TTLL1: variants seen among roughly 807,000 people sequenced by gnomAD.
TTLL1 encodes the protein TTL family tubulin polyglutamylase complex subunit L1, also known as polyglutamylase complex subunit TTLL1.
In TTLL1, 33 loss-of-function variants were observed where a neutral mutation model predicts 47.8. That is an observed-to-expected ratio of 0.69 (90% CI 0.52 to 0.92). The LOEUF is 0.92. TTLL1 is among the 40% of genes least tolerant of loss of function. The pLI, the probability that TTLL1 is intolerant of heterozygous loss-of-function variation, is 0.00. For missense variants in TTLL1, 488 were observed against 547.5 expected, an observed-to-expected ratio of 0.89 and a Z score of 1.08; for synonymous variants, 225 against 214.1, an observed-to-expected ratio of 1.05 and a Z score of -0.45.
intron 10 of TTLL1, among the ~76,000 whole-genome samples, chr22:43,043,273 T>G (rs921385487): frequency 3.3e-5 from 5 of 151,782 alleles, no homozygotes; most frequent in African/African-American, 9.7e-5. Context: ...AAATGGCGAG[T>G]CTGGCCCACT....
In TTLL1 at chr22:43,069,704, C is replaced by T; in HGVS notation, c.254G>A (p.Arg85Lys). ...ACTCCCTTCTTTCTCCAGCTCCTTC[C>T]TGTATCTTTTGATGTTCTTCACCAT... ...DLMVKNIKRY[R>K]KELEKEGSPL... The change falls in exon 4 of 11, where the codon AGG becomes AAG. Residue 85 changes from arginine to lysine, a missense_variant. Transcript: ENST00000266254. 2 of 1,614,196 alleles carry T rather than the reference C, an allele frequency of 1.2e-6. No homozygotes were observed. The highest frequency in any genetic ancestry group is 2.2e-5 in the South Asian group (2 of 91,086).
intron 2 of TTLL1, among the ~76,000 whole-genome samples, chr22:43,076,508 T>C (rs9611998): frequency 0.077 from 11,685 of 151,796 alleles, 564 homozygotes; most frequent in Non-Finnish European, 0.11. Context: ...TCCCAACACT[T>C]TGGGCGGCCA....
chr22:43,050,578 A>G (rs1726562631), intron 9 of TTLL1, among the ~76,000 whole-genome samples: 2 of 149,878 alleles, frequency 1.3e-5, no homozygotes, highest in Admixed American at 1.3e-4. Context: ...GTTGGAGTGC[A>G]GTGGCGCGAT....
chr22:43,045,278 G>A (rs1281249156), intron 10 of TTLL1, among the ~76,000 whole-genome samples: 1 of 152,130 alleles, frequency 6.6e-6, no homozygotes, highest in East Asian at 1.9e-4. Flanking sequence ...CTACGAGTAT[G>A]CCACGGAACC....
intron 7 of TTLL1, among the ~76,000 whole-genome samples, chr22:43,061,737 C>T (rs1454847036): frequency 6.6e-6 from 1 of 152,182 alleles, no homozygotes; most frequent in East Asian, 1.9e-4. Context: ...ACGCCAGGGG[C>T]TCCTGCTACC....
At chr22:43,054,484 G>C (rs1195470536) in intron 8 of TTLL1, among the ~76,000 whole-genome samples, 1 of 151,216 alleles carries the variant, frequency 6.6e-6, no homozygotes, top group African/African-American at 2.4e-5. Context: ...GAGTACAATG[G>C]CACGGTCTCG....
At chr22:43,067,706 C>T (rs1434634533) in intron 5 of TTLL1, among the ~76,000 whole-genome samples, 1 of 152,068 alleles carries the variant, frequency 6.6e-6, no homozygotes, top group Non-Finnish European at 1.5e-5. Flanking sequence ...AACAGTGAAT[C>T]ACGCCTGTAA....
intron 1 of TTLL1, among the ~76,000 whole-genome samples, chr22:43,082,177 CA>C (rs1928943099): frequency 1.4e-5 from 2 of 145,826 alleles, no homozygotes; most frequent in South Asian, 4.3e-4. Context: ...TTTTTTTAAA[CA>C]ACACAGATAA....
intron 1 of TTLL1, among the ~76,000 whole-genome samples, chr22:43,086,358 G>A (rs145532634): frequency 2.6e-5 from 4 of 152,314 alleles, no homozygotes; most frequent in South Asian, 2.1e-4. Flanking sequence ...AAGCCATCCT[G>A]AAACCAGAGA....
chr22:43,073,115 A>G (rs953410950), intron 3 of TTLL1, among the ~76,000 whole-genome samples: 2 of 148,728 alleles, frequency 1.3e-5, no homozygotes, highest in African/African-American at 5.0e-5. Context: ...CCTGGGTTCA[A>G]GCAATTCTCC....
chr22:43,065,964 G>T (rs1927703448), intron 5 of TTLL1, among the ~76,000 whole-genome samples: 1 of 151,864 alleles, frequency 6.6e-6, no homozygotes, highest in Admixed American at 6.6e-5. Flanking sequence ...TTCAAGACCA[G>T]CCTAACCAAC....
rs114740691 is a variant in TTLL1 at position 43,052,668 on chromosome 22, G to A, written c.892-781C>T. On this transcript the variant is annotated intron_variant, in intron 8 of 10. Transcript: ENST00000266254. ...GGAGGCTGGGAGGAAGAGGAGTGCC[G>A]TGAGGAGTGCTGGAGTGCAGTGAGC... Among the ~76,000 whole-genome samples the A allele has an allele frequency of 7.8e-3, 1,191 of 152,204 alleles. 15 individuals are homozygous for A. The highest frequency in any genetic ancestry group is 0.027 in the African/African-American group (1,109 of 41,530).
At chr22:43,059,609 T>C (rs1228647072) in intron 7 of TTLL1, 82 bp from the exon 8 acceptor site, 1 of 1,479,170 alleles carries the variant, frequency 6.8e-7, no homozygotes, top group African/African-American at 1.4e-5. Context: ...CCCCCAAGCA[T>C]TTCTGGAGTG....
intron 3 of TTLL1, among the ~76,000 whole-genome samples, chr22:43,072,536 A>G (rs564916150): frequency 9.9e-5 from 15 of 152,124 alleles, no homozygotes; most frequent in East Asian, 5.8e-4. Flanking sequence ...CAGTAGCACA[A>G]TCAAGGCTCA....
intron 5 of TTLL1, among the ~76,000 whole-genome samples, chr22:43,067,682 C>T (rs1927827717): frequency 6.6e-6 from 1 of 152,038 alleles, no homozygotes; most frequent in African/African-American, 2.4e-5. Flanking sequence ...CCAAAGACCA[C>T]AGAACAGGCC....
At position 43,046,441 on chromosome 22, in the gene TTLL1, G is replaced by T; in HGVS notation, c.1111C>A (p.Pro371Thr). ...TCGTAATTGCCGAGGACTTCCTTAG[G>T]TGGCGACTTGTTCCATTTGCAGTCT... Reference protein sequence around the residue: ...IPDCKWNKSPPKEVLGNYEIL... With the variant: ...IPDCKWNKSPTKEVLGNYEIL... Residue 371 changes from proline (P) to threonine (T), a missense_variant, in exon 10 of 11, where the codon CCT becomes ACT. Coordinates refer to ENST00000266254, the MANE Select transcript of TTLL1 (RefSeq NM_012263.5). 1 of 1,614,048 alleles carries T rather than the reference G, an allele frequency of 6.2e-7. No homozygotes were observed. The highest frequency in any genetic ancestry group is 1.6e-4 in the Middle Eastern group (1 of 6,062).
intron 3 of TTLL1, among the ~76,000 whole-genome samples, chr22:43,073,362 TA>T (rs1356533120): frequency 6.8e-6 from 1 of 147,174 alleles, no homozygotes; most frequent in African/African-American, 2.6e-5. Context: ...TTTATTTATT[TA>T]TTTTATTTTT....
chr22:43,040,483 T>C (rs886125416), intron 10 of TTLL1, among the ~76,000 whole-genome samples: 1 of 152,046 alleles, frequency 6.6e-6, no homozygotes, highest in Non-Finnish European at 1.5e-5. Flanking sequence ...TTTCACTCTA[T>C]CACCAAGGCT....
At chr22:43,057,282 A>ATT (rs1927082006) in intron 8 of TTLL1, among the ~76,000 whole-genome samples, 1 of 144,666 alleles carries the variant, frequency 6.9e-6, no homozygotes, top group Admixed American at 7.0e-5. Flanking sequence ...TTAAATTAAA[A>ATT]AAAAAAAAAA....
Sources: allele counts gnomAD v4.1 joint callset (sites outside exome capture counted in the v4.1 genomes callset), GRCh38; gene constraint gnomAD v4.1.1; transcripts MANE v1.5; gene names NCBI Gene and HGNC (gene_info 2026-07-23, HGNC 2026-07-21).